The following RSU1 variants were observed in gnomAD, a reference collection of about 807,000 sequenced individuals.
RSU1 encodes the protein Ras suppressor protein 1, also known as rsu-1.
RSU1 carries 26 observed loss-of-function variants against 31.1 expected under a neutral mutation model. The ratio of observed to expected loss-of-function variants is 0.84; its 90% CI spans 0.61 to 1.16. RSU1 has a LOEUF of 1.16. Among genes scored for constraint, RSU1 ranks in the 50% most tolerant of loss-of-function variants. The pLI is 0.00. For synonymous variants in RSU1, 164 were observed against 136.3 expected, an observed-to-expected ratio of 1.20 and a Z score of -1.41; for missense variants, 320 against 339.1, an observed-to-expected ratio of 0.94 and a Z score of 0.44.
intron 3 of RSU1, among the ~76,000 whole-genome samples, chr10:16,768,594 T>C (rs1374032835): frequency 1.3e-5 from 2 of 152,168 alleles, no homozygotes; most frequent in Non-Finnish European, 2.9e-5. Context: ...CTCTGCTGTT[T>C]TGGAAAGGTG....
chr10:16,725,193 T>C (rs1468725021), intron 7 of RSU1, among the ~76,000 whole-genome samples: 2 of 152,032 alleles, frequency 1.3e-5, no homozygotes, highest in Non-Finnish European at 2.9e-5. Context: ...ATAGTAGAGA[T>C]GGGAGAAGAG....
At chr10:16,797,505 G>A (rs1838061417) in intron 2 of RSU1, among the ~76,000 whole-genome samples, 1 of 152,156 alleles carries the variant, frequency 6.6e-6, no homozygotes, top group Admixed American at 6.5e-5. Context: ...AAAAAATATT[G>A]GGAGCAAATC....
intron 8 of RSU1, among the ~76,000 whole-genome samples, chr10:16,671,783 G>C (rs575562223): frequency 2.0e-5 from 3 of 151,574 alleles, no homozygotes; most frequent in African/African-American, 7.3e-5. Flanking sequence ...ATACCACCAT[G>C]CCCAGCTAAT....
intron 7 of RSU1, among the ~76,000 whole-genome samples, chr10:16,746,624 C>T (rs1287550968): frequency 6.7e-6 from 1 of 148,934 alleles, no homozygotes; most frequent in African/African-American, 2.5e-5. Flanking sequence ...GAATAGAAAA[C>T]TGCTAACAAA....
At chr10:16,660,590 CTG>C (rs1336912530) in intron 8 of RSU1, among the ~76,000 whole-genome samples, 1 of 137,732 alleles carries the variant, frequency 7.3e-6, no homozygotes, top group Non-Finnish European at 1.6e-5. Context: ...TCTCGTTACT[CTG>C]TGTTTTGTGT....
intron 8 of RSU1, among the ~76,000 whole-genome samples, chr10:16,641,374 C>G (rs190347529): frequency 1.1e-4 from 16 of 152,104 alleles, no homozygotes; most frequent in African/African-American, 3.6e-4. Context: ...CACCTGTAGT[C>G]CCAGCTACTC....
At chr10:16,659,821 T>C (rs1834857138) in intron 8 of RSU1, among the ~76,000 whole-genome samples, 1 of 152,232 alleles carries the variant, frequency 6.6e-6, no homozygotes, top group South Asian at 2.1e-4. Context: ...TCTCCTCTTT[T>C]GTTTTTGGTG....
chr10:16,606,655 T>C (rs576222178), intron 8 of RSU1, among the ~76,000 whole-genome samples: 16 of 152,172 alleles, frequency 1.1e-4, no homozygotes, highest in African/African-American at 3.6e-4. Context: ...TACTAAGTCA[T>C]TGAAGCCTTA....
At position 16,593,205 on chromosome 10, in the gene RSU1, G is replaced by C; in HGVS notation, c.*189C>G. The C allele has an allele frequency of 2.7e-6, 3 of 1,102,106 alleles. No individual in the cohort carries two copies. The highest frequency in any genetic ancestry group is 3.7e-6 in the Non-Finnish European group (3 of 815,904). 68.3% of individuals were successfully genotyped at this position (1,102,106 alleles called of 1,614,324 possible). A position where few individuals can be genotyped will look rare whatever the true frequency, so the allele number is the denominator to read the frequency against. Reference sequence around the variant, plus strand: ...AAGAAACAAATGGAAATGGTTTAAAGACCTTATAACAATCTCCCACCTAGC... The same window carrying C: ...AAGAAACAAATGGAAATGGTTTAAACACCTTATAACAATCTCCCACCTAGC... On this transcript the variant is annotated 3_prime_UTR_variant, in exon 9 of 9. Transcript: ENST00000345264.
intron 8 of RSU1, among the ~76,000 whole-genome samples, chr10:16,674,701 A>C (rs17331187): frequency 0.032 from 4,835 of 152,274 alleles, 96 homozygotes; most frequent in Non-Finnish European, 0.052. Context: ...TTGAACTGAA[A>C]CTTGAATGAG....
At chr10:16,749,578 G>C (rs564360692) in intron 7 of RSU1, among the ~76,000 whole-genome samples, 1 of 152,214 alleles carries the variant, frequency 6.6e-6, no homozygotes, top group Admixed American at 6.5e-5. Flanking sequence ...CCATCAGCCA[G>C]CCCGGAGCAG....
At chr10:16,722,203 C>T (rs952609109) in intron 7 of RSU1, among the ~76,000 whole-genome samples, 6 of 152,156 alleles carry the variant, frequency 3.9e-5, no homozygotes, top group African/African-American at 9.6e-5. Flanking sequence ...TAAACTTTAT[C>T]AAAGGTATGC....
intron 7 of RSU1, among the ~76,000 whole-genome samples, chr10:16,700,969 A>G (rs970149212): frequency 1.3e-5 from 2 of 152,222 alleles, no homozygotes; most frequent in East Asian, 3.9e-4. Context: ...ATATATGTAT[A>G]TGACTAAATG....
rs532941190 is a variant in RSU1 at position 16,741,207 on chromosome 10, A to G, written c.598+11332T>C. On this transcript the variant is annotated intron_variant, in intron 7 of 8. Transcript: ENST00000345264. ...ACAAGAGTGCCAAGACCATTTGATA[A>G]AAAGAGAACAGTCTTTTCTACACAT... 3.3e-5 allele frequency among the ~76,000 whole-genome samples: 5 copies of G among 152,318 alleles called. No homozygotes were observed. In the South Asian group the frequency reaches 1.0e-3, roughly 32 times the overall value.
intron 7 of RSU1, among the ~76,000 whole-genome samples, chr10:16,732,094 G>C (rs1467654194): frequency 1.4e-5 from 2 of 140,890 alleles, no homozygotes; most frequent in Admixed American, 7.2e-5. Context: ...TACCCAACTA[G>C]TCACAGAAGA....
At chr10:16,630,013 G>A (rs1025870139) in intron 8 of RSU1, among the ~76,000 whole-genome samples, 5 of 151,884 alleles carry the variant, frequency 3.3e-5, no homozygotes, top group Admixed American at 6.6e-5. Context: ...AAAATCCCAC[G>A]GAATCCCCAA....
chr10:16,756,534 C>T (rs1837089803), intron 4 of RSU1, among the ~76,000 whole-genome samples: 1 of 152,178 alleles, frequency 6.6e-6, no homozygotes, highest in South Asian at 2.1e-4. Flanking sequence ...CCACTTAAAG[C>T]ACAGTAAATG....
chr10:16,660,310 T>C (rs1423922648), intron 8 of RSU1, among the ~76,000 whole-genome samples: 2 of 152,162 alleles, frequency 1.3e-5, no homozygotes, highest in African/African-American at 4.8e-5. Context: ...GCAGGGGGAA[T>C]TGGCTTGAAC....
chr10:16,743,104 G>A (rs1397973662), intron 7 of RSU1, among the ~76,000 whole-genome samples: 2 of 152,172 alleles, frequency 1.3e-5, no homozygotes, highest in Non-Finnish European at 2.9e-5. Context: ...GTAGGAGCAT[G>A]CAATAAAATC....
Sources: allele counts gnomAD v4.1 joint callset (sites outside exome capture counted in the v4.1 genomes callset), GRCh38; gene constraint gnomAD v4.1.1; transcripts MANE v1.5; gene names NCBI Gene and HGNC (gene_info 2026-07-23, HGNC 2026-07-21).